The following PPIC variants were observed in gnomAD, a reference collection of about 807,000 sequenced individuals.
The protein encoded by PPIC is peptidyl-prolyl cis-trans isomerase C.
PPIC carries 19 observed loss-of-function variants against 19.5 expected under a neutral mutation model. The observed-to-expected ratio is 0.98, with a 90% CI of 0.68 to 1.43. The LOEUF is 1.43. PPIC is among the 40% of genes most tolerant of loss of function. PPIC has a pLI of 0.00. For missense variants in PPIC, 268 were observed against 268.6 expected (o/e 1.00, Z 0.02); for synonymous variants, 107 against 101.2 (o/e 1.06, Z -0.34).
intron 4 of PPIC, 97 bp downstream of exon 4, chr5:123,025,687 G>T: frequency 7.9e-7 from 1 of 1,269,960 alleles, no homozygotes; most frequent in Non-Finnish European, 1.1e-6. Context: ...CTATATAATG[G>T]ATCTCTAACA....
Position 123,036,175 on chromosome 5 carries a change from G to T in PPIC, c.117+334C>A, listed in dbSNP as rs1401729583. 8.8e-6 allele frequency: 3 copies of T among 342,728 alleles called. No homozygotes were observed. The highest frequency in any genetic ancestry group is 1.6e-5 in the Non-Finnish European group (3 of 184,474). The allele number at this position is 342,728 out of a possible 1,614,324, so 21.2% of individuals were successfully genotyped here. ...AGGCCACGCTGAAGGAAGTACTTGG[G>T]CAGTCTCTTTCCTGGAGAACGGGCC... On this transcript the variant is annotated intron_variant, in intron 1 of 4. Transcript: ENST00000306442. This position sits in a 1 kb window ranked among gnomAD's most constrained non-coding sequence, Gnocchi z 4.5.
chr5:123,028,792 G>C lies in PPIC; in HGVS notation c.308C>G (p.Thr103Ser). 2 of 1,612,836 alleles carry C rather than the reference G, an allele frequency of 1.2e-6. No homozygotes were observed. Among genetic ancestry groups the C allele is most frequent in the Non-Finnish European group, 8.5e-7 (1 of 1,178,788 alleles). The change falls in exon 3 of 5, where the codon ACT (threonine) becomes AGT (serine). Residue 103 changes from threonine to serine, a missense_variant. Coordinates refer to ENST00000306442, the MANE Select transcript of PPIC (RefSeq NM_000943.5). ...DFMIQGGDIT[T>S]GDGTGGVSIY... Reference sequence around the variant, plus strand: ...GACGTTACCCCCAGTGCCATCTCCAGTGGTGATGTCACCTCCTTGAATCAT... The same window carrying C: ...GACGTTACCCCCAGTGCCATCTCCACTGGTGATGTCACCTCCTTGAATCAT...
intron 3 of PPIC, among the ~76,000 whole-genome samples, chr5:123,026,806 C>T (rs1561748991): frequency 6.6e-6 from 1 of 152,190 alleles, no homozygotes; most frequent in Non-Finnish European, 1.5e-5. Flanking sequence ...ATCTGACCAT[C>T]CTCCAATACC....
chr5:123,026,258 T>G (rs955523014), intron 3 of PPIC, among the ~76,000 whole-genome samples: 16 of 152,152 alleles, frequency 1.1e-4, no homozygotes, highest in African/African-American at 3.9e-4. Flanking sequence ...GGTCCATGAC[T>G]TCGCTCTGAA....
chr5:123,024,360 C>T (rs1047148464), intron 4 of PPIC, among the ~76,000 whole-genome samples: 1 of 152,158 alleles, frequency 6.6e-6, no homozygotes. Flanking sequence ...TATAAGCCAG[C>T]GTAACAGTTA....
rs1328557006 is a variant in PPIC, at chr5:123,032,325, T to C, written c.118-2907A>G. Among the ~76,000 whole-genome samples, 8 of 152,200 alleles carry C rather than the reference T, an allele frequency of 5.3e-5. No individual in the cohort carries two copies. The East Asian group carries it at 1.5e-3, about 29-fold the overall frequency. The stretch of plus-strand genomic sequence containing the variant: ...GTGATTTACCAAGGTTTCCCTACTA[T>C]GAGTGTGAGAGCCAGAATTTCAAGG... On this transcript the variant is annotated intron_variant, in intron 1 of 4. Coordinates refer to ENST00000306442, the MANE Select transcript of PPIC (RefSeq NM_000943.5).
chr5:123,028,637 T>G (rs1454867113), intron 3 of PPIC, 138 bp downstream of exon 3: 1 of 634,938 alleles, frequency 1.6e-6, no homozygotes, highest in Non-Finnish European at 2.7e-6. Context: ...TCCCCAAAAC[T>G]CCATCCTTCT....
chr5:123,027,475 TG>T (rs1762877378), intron 3 of PPIC, among the ~76,000 whole-genome samples: 1 of 152,160 alleles, frequency 6.6e-6, no homozygotes, highest in African/African-American at 2.4e-5. Flanking sequence ...GAAGGTGGGA[TG>T]CCAGCACCGA....
rs772078652 is a variant in PPIC at position 123,023,928 on chromosome 5, T to A, written c.586A>T (p.Ser196Cys). Residue 196 changes from serine (S) to cysteine (C), a missense_variant, in exon 5 of 5, where the codon AGT (serine) becomes TGT (cysteine). Ser to Cys is a moderately radical substitution (Grantham distance 112). Coordinates refer to ENST00000306442, the MANE Select transcript of PPIC (RefSeq NM_000943.5). Reference sequence around the variant, plus strand: ...GGCGTTTTCACGTCTATCTTGCCACTGTTGATGATCGAGCAGTTGGTGAGT... The same window carrying A: ...GGCGTTTTCACGTCTATCTTGCCACAGTTGATGATCGAGCAGTTGGTGAGT... ...RPLTNCSIIN[S>C]GKIDVKTPFV... The A allele has an allele frequency of 5.0e-6, 8 of 1,613,968 alleles. No homozygotes were observed. Among genetic ancestry groups the A allele is most frequent in the Non-Finnish European group, 6.8e-6 (8 of 1,180,030 alleles).
At chr5:123,025,278 C>CCTT (rs1223439382) in intron 4 of PPIC, among the ~76,000 whole-genome samples, 2 of 152,076 alleles carry the variant, frequency 1.3e-5, no homozygotes, top group African/African-American at 4.8e-5. Flanking sequence ...AAAACTAAAA[C>CCTT]CTTATACCTA....
intron 4 of PPIC, among the ~76,000 whole-genome samples, chr5:123,025,393 T>A (rs1406193656): frequency 2.6e-5 from 4 of 152,230 alleles, no homozygotes; most frequent in Admixed American, 6.5e-5. Context: ...ATAAATGAAG[T>A]CATATAGTAT....
chr5:123,036,007 C>T lies in PPIC; in HGVS notation c.117+502G>A, dbSNP rs1763004907. Among the ~76,000 whole-genome samples, 1 of 152,142 alleles carries T rather than the reference C, an allele frequency of 6.6e-6. No individual in the cohort carries two copies. Among genetic ancestry groups the T allele is most frequent in the African/African-American group, 2.4e-5 (1 of 41,450 alleles). ...AGGGTAGTCTCTCATCTGAACCAGG[C>T]GCTTTAATGCCTGCCTGAAGCCACC... On this transcript the variant is annotated intron_variant, in intron 1 of 4. Transcript: ENST00000306442. The surrounding 1 kb of genome is among the most constrained non-coding windows in gnomAD (Gnocchi z 4.5).
chr5:123,028,705 G>T, intron 3 of PPIC, 70 bp downstream of exon 3: 1 of 1,237,112 alleles, frequency 8.1e-7, no homozygotes, highest in South Asian at 1.4e-5. Context: ...TCAACAGACT[G>T]GGTTCATATA....
At chr5:123,033,960 C>A (rs758799966) in intron 1 of PPIC, among the ~76,000 whole-genome samples, 1 of 152,234 alleles carries the variant, frequency 6.6e-6, no homozygotes, top group Non-Finnish European at 1.5e-5. Flanking sequence ...AGAGCCCCCA[C>A]CTGAGCCTCT....
In PPIC at chr5:123,029,386, A is replaced by G. The variant is rs781055075; in HGVS notation, c.150T>C (p.Asp50=). Reference sequence around the variant, plus strand: ...AGAGGCCAATCACAATTCTGCCAACATCTTTGTCTCCAATCCTCACATCAA... The same window carrying G: ...AGAGGCCAATCACAATTCTGCCAACGTCTTTGTCTCCAATCCTCACATCAA... ...VFFDVRIGDK[D]VGRIVIGLFG... Residue 50 remains aspartate (D), a synonymous_variant, in exon 2 of 5, where the codon GAT becomes GAC. Transcript: ENST00000306442. 10 of 1,608,320 alleles carry G rather than the reference A, an allele frequency of 6.2e-6. No individual in the cohort carries two copies. Among genetic ancestry groups the G allele is most frequent in the Non-Finnish European group, 8.5e-6 (10 of 1,176,590 alleles).
rs1294361134 is a variant in PPIC at position 123,025,859 on chromosome 5, C to T, written c.435G>A (p.Gln145=). 1 of 1,614,150 alleles carries T rather than the reference C, an allele frequency of 6.2e-7. No homozygotes were observed. Among genetic ancestry groups the T allele is most frequent in the Non-Finnish European group, 8.5e-7 (1 of 1,180,038 alleles). The part of the protein sequence containing the change: ...ANAGPDTNGS[Q]FFITLTKPTW... ...TGGGCTTGGTCAAGGTGATAAAGAA[C>T]TGAGAGCCATTGGTGTCAGGCCCAG... is the stretch of plus-strand genomic sequence containing the variant. Residue 145 remains glutamine (Q), a synonymous_variant, in exon 4 of 5, where the codon CAG becomes CAA. Transcript: ENST00000306442.
Position 123,023,833 on chromosome 5 carries a change from C to CACACACACACACAT in PPIC, c.*41_*42insATGTGTGTGTGTGT. 3 of 1,607,830 alleles carry CACACACACACACAT rather than the reference C, an allele frequency of 1.9e-6. No individual in the cohort carries two copies. Among genetic ancestry groups the CACACACACACACAT allele is most frequent in the Non-Finnish European group, 2.5e-6 (3 of 1,177,002 alleles). On this transcript the variant is annotated 3_prime_UTR_variant, in exon 5 of 5. Coordinates refer to ENST00000306442, the MANE Select transcript of PPIC (RefSeq NM_000943.5). Reference sequence around the variant, plus strand: ...ACACACACACACACACACACACACACACACCCCTGCCAAAGCATATCCTTG... The same window carrying CACACACACACACAT: ...ACACACACACACACACACACACACACACACACACACACATACACCCCTGCCAAAGCATATCCTTG...
chr5:123,033,257 AT>A (rs1316356190), intron 1 of PPIC, among the ~76,000 whole-genome samples: 20 of 152,354 alleles, frequency 1.3e-4, no homozygotes, highest in African/African-American at 4.8e-4. Context: ...ACTATGGACT[AT>A]GTGCTTTACC....
At chr5:123,025,681 A>G in intron 4 of PPIC, 103 bp downstream of exon 4, 3 of 1,223,340 alleles carry the variant, frequency 2.5e-6, no homozygotes, top group Non-Finnish European at 3.5e-6. Flanking sequence ...AGTCAGCTAT[A>G]TAATGGATCT....
Sources: gnomAD v4.1 joint callset for allele counts (sites outside exome capture counted in the v4.1 genomes callset) on GRCh38, gnomAD v4.1.1 for gene constraint, Gnocchi (gnomAD v3.1) non-coding constraint, MANE v1.5 for transcripts, NCBI Gene and HGNC (gene_info 2026-07-23, HGNC 2026-07-21) for gene names.